Variants in DCAF6 observed in about 807,000 individuals in gnomAD.
DCAF6 encodes DDB1- and CUL4-associated factor 6.
In DCAF6, 54 loss-of-function variants were observed where a neutral mutation model predicts 125.1. The ratio of observed to expected loss-of-function variants is 0.43; its 90% CI spans 0.35 to 0.54. The LOEUF (loss-of-function observed/expected upper bound fraction) is 0.54, where lower values mean the gene tolerates loss of function less well. Ranked by LOEUF, DCAF6 falls within the 20% of genes least tolerant of loss-of-function variation. The pLI is 0.01. For missense variants in DCAF6, 934 were observed against 1,161.7 expected, an observed-to-expected ratio of 0.80 and a Z score of 2.85; for synonymous variants, 371 against 390.4, an observed-to-expected ratio of 0.95 and a Z score of 0.58.
At chr1:168,009,199 C>T (rs970785913) in intron 10 of DCAF6, among the ~76,000 whole-genome samples, 4 of 151,696 alleles carry the variant, frequency 2.6e-5, no homozygotes, top group East Asian at 2.0e-4. Flanking sequence ...AGGGTTTCAC[C>T]GTGTTGGCCA....
chr1:167,951,831 T>C lies in DCAF6; in HGVS notation c.129T>C (p.Leu43=). ...GRREFIQRLK[L]EATLNVHDGC... ...GAGAATTTATCCAAAGATTAAAACT[T>C]GAAGCAACCCTTAATGTGCATGATG... Residue 43 remains leucine (L), a synonymous_variant, in exon 2 of 22, where the codon CTT becomes CTC. Coordinates refer to ENST00000367840, the MANE Select transcript of DCAF6 (RefSeq NM_001198956.2). 1 of 1,607,024 alleles carries C rather than the reference T, an allele frequency of 6.2e-7. No individual in the cohort carries two copies. Among genetic ancestry groups the C allele is most frequent in the Non-Finnish European group, 8.5e-7 (1 of 1,174,044 alleles).
Position 167,987,528 on chromosome 1 carries a change from C to A in DCAF6, c.472C>A (p.Leu158Ile). The change falls in exon 5 of 22, where the codon CTC (leucine) becomes ATC (isoleucine). Residue 158 changes from leucine (L) to isoleucine (I), a missense_variant. Physicochemically the swap from Leu to Ile is conservative, Grantham distance 5. This residue lies in a region of DCAF6 where 309 missense variants were observed against 381.2 expected (regional missense o/e 0.81). Coordinates refer to ENST00000367840, the MANE Select transcript of DCAF6 (RefSeq NM_001198956.2). ...TGTACCCAATGACCCTTACACTTTT[C>A]TCTCTTGTGGTGAAGATGGAACTGT... Reference protein sequence around the residue: ...MTVPNDPYTFLSCGEDGTVRW... With the variant: ...MTVPNDPYTFISCGEDGTVRW... 6.2e-7 allele frequency: 1 copy of A among 1,604,266 alleles called. No individual in the cohort carries two copies. Among genetic ancestry groups the A allele is most frequent in the Non-Finnish European group, 8.5e-7 (1 of 1,173,174 alleles).
chr1:168,002,465 C>T lies in DCAF6; in HGVS notation c.904-17C>T, dbSNP rs1157202721. On this transcript the variant is annotated splice_polypyrimidine_tract_variant and intron_variant, in intron 7 of 21. Coordinates refer to ENST00000367840, the MANE Select transcript of DCAF6 (RefSeq NM_001198956.2). ...AGTTTTAGACTTACATAGAATTTAC[C>T]CGTTCTTATTTTTTAGTTGCGACAA... 1.9e-6 allele frequency: 3 copies of T among 1,608,288 alleles called. No individual in the cohort carries two copies. Among genetic ancestry groups the T allele is most frequent in the Non-Finnish European group, 2.6e-6 (3 of 1,175,652 alleles).
chr1:167,926,811 G>A, the DCAF6 span, among the ~76,000 whole-genome samples: 9 of 152,142 alleles, frequency 5.9e-5, no homozygotes, highest in Non-Finnish European at 7.4e-5. Context: ...AGTTCATGCT[G>A]TCCCTTCTCA....
intron 4 of DCAF6, 35 bp from the exon 5 acceptor site, chr1:167,987,460 C>T (rs774905854): frequency 7.0e-6 from 7 of 999,306 alleles, no homozygotes; most frequent in African/African-American, 1.6e-5. Context: ...TTTAAATGTT[C>T]GTATGATTAT....
At chr1:168,070,875 A>G (rs756987334) in intron 21 of DCAF6, among the ~76,000 whole-genome samples, 27 of 152,206 alleles carry the variant, frequency 1.8e-4, no homozygotes, top group Non-Finnish European at 3.2e-4. Flanking sequence ...TTCTTAGGGT[A>G]GAGTCCAAAT....
At chr1:167,931,979 C>A (rs1415950477), upstream of DCAF6, among the ~76,000 whole-genome samples, 2 of 152,158 alleles carry the variant, frequency 1.3e-5, no homozygotes, top group South Asian at 4.1e-4. Flanking sequence ...TCAGAGGGAA[C>A]CCATGTAATG....
the DCAF6 span, among the ~76,000 whole-genome samples, chr1:167,922,302 T>C: frequency 3.9e-5 from 6 of 152,122 alleles, no homozygotes; most frequent in Admixed American, 1.3e-4. Flanking sequence ...TATATAATGC[T>C]GTCAATATCT....
At chr1:167,939,359 C>T (rs1412331372) in intron 1 of DCAF6, among the ~76,000 whole-genome samples, 1 of 151,404 alleles carries the variant, frequency 6.6e-6, no homozygotes, top group Non-Finnish European at 1.5e-5. Flanking sequence ...AGTTAATTAA[C>T]ATATCCATCA....
chr1:167,864,158 T>C, the DCAF6 span, among the ~76,000 whole-genome samples: 3 of 152,364 alleles, frequency 2.0e-5, no homozygotes, highest in African/African-American at 7.2e-5. Flanking sequence ...TTTGGTTTAG[T>C]GTAAACTGCA....
intron 3 of DCAF6, among the ~76,000 whole-genome samples, chr1:167,968,827 C>T (rs1229636899): frequency 6.6e-6 from 1 of 152,198 alleles, no homozygotes; most frequent in Non-Finnish European, 1.5e-5. Context: ...ATTTGAAGGA[C>T]TCAGTTCCAT....
At chr1:167,885,734 G>A in the DCAF6 span, among the ~76,000 whole-genome samples, 1 of 152,000 alleles carries the variant, frequency 6.6e-6, no homozygotes, top group Admixed American at 6.6e-5. Flanking sequence ...TGTTGCCTCA[G>A]CCCCTGAGTA....
intron 1 of DCAF6, among the ~76,000 whole-genome samples, chr1:167,944,043 A>G (rs958810386): frequency 1.3e-5 from 2 of 151,986 alleles, no homozygotes; most frequent in Non-Finnish European, 2.9e-5. Context: ...AGGGTTTCAC[A>G]GTGTTAGCCA....
chr1:167,943,130 C>T (rs1457746599), intron 1 of DCAF6, among the ~76,000 whole-genome samples: 10 of 152,274 alleles, frequency 6.6e-5, no homozygotes, highest in East Asian at 1.9e-4. Flanking sequence ...AGGATGGTCT[C>T]GATCTCCTGA....
intron 1 of DCAF6, among the ~76,000 whole-genome samples, chr1:167,949,128 C>T (rs999775139): frequency 6.6e-6 from 1 of 152,076 alleles, no homozygotes; most frequent in Non-Finnish European, 1.5e-5. Flanking sequence ...GAGTTTATAA[C>T]CTATTAATAT....
upstream of DCAF6, chr1:167,936,450 G>A: frequency 5.5e-6 from 1 of 180,932 alleles, no homozygotes. Context: ...CTCTCTACTC[G>A]TCTTTTATCC....
chr1:168,027,584 A>G (rs1232226822), intron 12 of DCAF6, among the ~76,000 whole-genome samples: 3 of 152,162 alleles, frequency 2.0e-5, no homozygotes, highest in Non-Finnish European at 1.5e-5. Context: ...TTTATGTCAC[A>G]AAATATTTCT....
At chr1:168,019,822 T>C (rs1203201764) in intron 11 of DCAF6, 1 of 175,790 alleles carries the variant, frequency 5.7e-6, no homozygotes, top group Non-Finnish European at 1.2e-5. Flanking sequence ...TACCCGATCC[T>C]GTGCAAGCAG....
chr1:168,075,374 G>A lies in DCAF6; in HGVS notation c.2795G>A (p.Arg932Gln), dbSNP rs748687203. 16 of 1,599,706 alleles carry A rather than the reference G, an allele frequency of 1.0e-5. No individual in the cohort carries two copies. Among genetic ancestry groups the A allele is most frequent in the Middle Eastern group, 1.7e-4 (1 of 6,020 alleles). The part of the protein sequence containing the change: ...LASLNHIRAD[R>Q]LEGDRSEGSG... ...ATTCTCTTATCTGTGTTTCCAGACC[G>A]GTTGGAGGGTGACAGATCAGAAGGC... The change falls in exon 22 of 22, where the codon CGG (arginine) becomes CAG (glutamine). Residue 932 changes from arginine (R) to glutamine (Q), a missense_variant. Coordinates refer to ENST00000367840, the MANE Select transcript of DCAF6 (RefSeq NM_001198956.2).
Sources: allele counts gnomAD v4.1 joint callset (sites outside exome capture counted in the v4.1 genomes callset), GRCh38; gene constraint gnomAD v4.1.1; regional missense constraint gnomAD v4.1.1; transcripts MANE v1.5; gene names NCBI Gene and HGNC (gene_info 2026-07-23, HGNC 2026-07-21).